The following ENKD1 variants were observed in gnomAD, a reference collection of about 807,000 sequenced individuals.
ENKD1 encodes enkurin domain-containing protein 1.
ENKD1 carries 39 observed loss-of-function variants against 35.8 expected under a neutral mutation model. That is an observed-to-expected ratio of 1.09 (90% CI 0.84 to 1.42). The LOEUF (loss-of-function observed/expected upper bound fraction) is 1.42, where lower values mean the gene tolerates loss of function less well. ENKD1 is among the 40% of genes most tolerant of loss of function. The pLI, the probability that ENKD1 is intolerant of heterozygous loss-of-function variation, is 0.00. For synonymous variants in ENKD1, 205 were observed against 198.6 expected (o/e 1.03, Z -0.27); for missense variants, 474 against 471.3 (o/e 1.01, Z -0.05).
In ENKD1 at chr16:67,666,260, C is replaced by G. The variant is rs1469568142; in HGVS notation, c.91G>C (p.Gly31Arg). Reference sequence around the variant, plus strand: ...TTCAGCGCGTTTCCCTCGAGGCGCCCTTGAGCTGTGGGGCGGAGCCGGGCG... The same window carrying G: ...TTCAGCGCGTTTCCCTCGAGGCGCCGTTGAGCTGTGGGGCGGAGCCGGGCG... ...DNYRRPTSAQ[G>R]RLEGNALKLD... The change falls in exon 2 of 7, where the codon GGG becomes CGG. Residue 31 changes from glycine to arginine, a missense_variant. Transcript: ENST00000243878. 1 of 1,604,184 alleles carries G rather than the reference C, an allele frequency of 6.2e-7. No homozygotes were observed. The highest frequency in any genetic ancestry group is 8.5e-7 in the Non-Finnish European group (1 of 1,175,712).
At position 67,666,191 on chromosome 16, in the gene ENKD1, GA is replaced by G; in HGVS notation, c.159del (p.Arg55ValfsTer32). 6.2e-7 allele frequency: 1 copy of G among 1,611,868 alleles called. No homozygotes were observed. Among genetic ancestry groups the G allele is most frequent in the Non-Finnish European group, 8.5e-7 (1 of 1,179,444 alleles). On this transcript the variant is annotated frameshift_variant, in exon 2 of 7. Transcript: ENST00000243878. LOFTEE classifies it high-confidence loss of function. Reference protein sequence around the residue: ...LTSDRALDTTAPRGPCIGPGA... With the variant: ...LTSDRALDTTXPRGPCIGPGA... ...CCGGGACCGATGCAGGGGCCACGGG[GA>G]GCGGTGGTGTCCAGGGCCCGGTCGG... is the stretch of plus-strand genomic sequence containing the variant.
intron 2 of ENKD1, 48 bp from the exon 3 acceptor site, chr16:67,665,216 G>T: frequency 6.4e-7 from 1 of 1,559,336 alleles, no homozygotes; most frequent in Non-Finnish European, 8.7e-7. Flanking sequence ...GGCCCACACA[G>T]TCCAACTTCC....
intron 6 of ENKD1, 46 bp downstream of exon 6, chr16:67,663,374 G>A (rs781364008): frequency 9.3e-6 from 15 of 1,611,370 alleles, no homozygotes; most frequent in East Asian, 4.5e-5. Context: ...AGGGGTGCCC[G>A]GTCCCCAGTG....
In ENKD1 at chr16:67,665,089, G is replaced by C; in HGVS notation, c.360C>G (p.Arg120=). Residue 120 remains arginine (R), a synonymous_variant, in exon 3 of 7, where the codon CGC becomes CGG. Transcript: ENST00000243878. Reference sequence around the variant, plus strand: ...GCCTGGGCTGGCCCTGCTCCCGGCTGCGCTCCTGTTCTCTGAAGCGCTTCT... The same window carrying C: ...GCCTGGGCTGGCCCTGCTCCCGGCTCCGCTCCTGTTCTCTGAAGCGCTTCT... The part of the protein sequence containing the change: ...EIQKRFREQE[R]SREQGQPRPL... The C allele has an allele frequency of 6.2e-7, 1 of 1,613,940 alleles. No individual in the cohort carries two copies. The highest frequency in any genetic ancestry group is 1.1e-5 in the South Asian group (1 of 91,090).
rs2053106447 is a variant in ENKD1, at chr16:67,666,519, ACCCCGGG to A, written c.-84_-78del. 8.2e-7 allele frequency: 1 copy of A among 1,224,906 alleles called. No individual in the cohort carries two copies. Among genetic ancestry groups the A allele is most frequent in the Middle Eastern group, 3.0e-4 (1 of 3,378 alleles). The allele number at this position is 1,224,906 out of a possible 1,614,324, so 75.9% of individuals were successfully genotyped here. On this transcript the variant is annotated 5_prime_UTR_variant, in exon 1 of 7. Coordinates refer to ENST00000243878, the MANE Select transcript of ENKD1 (RefSeq NM_032140.3). ...CTCCCTCCCCGGGCCCCCTTCCCCA[ACCCCGGG>A]CCCCCTCCCTCGCCCGGCACCCTGA...
rs12599958 is a variant in ENKD1 at position 67,663,737 on chromosome 16, C to G, written c.663G>C (p.Gln221His). The G allele has an allele frequency of 9.3e-6, 15 of 1,612,552 alleles. No individual in the cohort carries two copies. The African/African-American group carries it at 1.5e-4, about 16-fold the overall frequency. Reference protein sequence around the residue: ...RAPRRHSCSLQVLAQVLEQQR... With the variant: ...RAPRRHSCSLHVLAQVLEQQR... ...GCTGCTCTAGCACTTGTGCCAGGAC[C>G]TGCAGTGAGCAGGAATGCCTCCGGG... Residue 221 changes from glutamine to histidine, a missense_variant, in exon 5 of 7, where the codon CAG (glutamine) becomes CAC (histidine). Transcript: ENST00000243878.
chr16:67,665,143 C>T lies in ENKD1; in HGVS notation c.306G>A (p.Lys102=). 2 of 1,613,812 alleles carry T rather than the reference C, an allele frequency of 1.2e-6. No individual in the cohort carries two copies. The highest frequency in any genetic ancestry group is 1.7e-6 in the Non-Finnish European group (2 of 1,179,906). ...LKRKDPKDHE[K]ENLRRIREIQ... ...TCTCCCTGATCCGCCTCAGGTTCTCCTTCTCATGGTCCTTAGGGTCCTTCC... is the reference window on the plus strand; with the variant it reads ...TCTCCCTGATCCGCCTCAGGTTCTCTTTCTCATGGTCCTTAGGGTCCTTCC... Residue 102 remains lysine (K), a synonymous_variant, in exon 3 of 7, where the codon AAG becomes AAA. Transcript: ENST00000243878.
chr16:67,663,383 T>C lies in ENKD1; in HGVS notation c.880+37A>G, dbSNP rs746266622. On this transcript the variant is annotated intron_variant, in intron 6 of 6. Transcript: ENST00000243878. The stretch of plus-strand genomic sequence containing the variant: ...TTGGGCAGGGGTGCCCGGTCCCCAG[T>C]GGGGCCCCCCTCCAGCCTCCCTGCC... 11 of 1,611,588 alleles carry C rather than the reference T, an allele frequency of 6.8e-6. No homozygotes were observed. The South Asian group carries it at 1.1e-4, about 16-fold the overall frequency.
chr16:67,663,126 G>A lies in ENKD1; in HGVS notation c.*35C>T. The A allele has an allele frequency of 6.2e-7, 1 of 1,612,098 alleles. No individual in the cohort carries two copies. Among genetic ancestry groups the A allele is most frequent in the Middle Eastern group, 1.7e-4 (1 of 6,056 alleles). ...CTTTGCAGCCATGTGGCGATCCTCA[G>A]CATGGAGCTCCTTGCCACTGTCCCC... is the stretch of plus-strand genomic sequence containing the variant. On this transcript the variant is annotated 3_prime_UTR_variant, in exon 7 of 7. Coordinates refer to ENST00000243878, the MANE Select transcript of ENKD1 (RefSeq NM_032140.3).
chr16:67,663,307 G>A lies in ENKD1; in HGVS notation c.895C>T (p.Leu299=). Residue 299 remains leucine, a synonymous_variant, in exon 7 of 7, where the codon CTG becomes TTG. Coordinates refer to ENST00000243878, the MANE Select transcript of ENKD1 (RefSeq NM_032140.3). ...TKLLQSQSQL[L]RELVLLPAGA... is the part of the protein sequence containing the mutation. ...GCAGGCAGCAGTACCAGCTCACGCA[G>A]CAGCTGGCTCTGGCCTACAGGGGGC... The A allele has an allele frequency of 6.2e-7, 1 of 1,613,622 alleles. No individual in the cohort carries two copies. Among genetic ancestry groups the A allele is most frequent in the Non-Finnish European group, 8.5e-7 (1 of 1,180,034 alleles).
At position 67,663,755 on chromosome 16, in the gene ENKD1, CCTCCGGGGGG is replaced by C. The variant is rs1329000658; in HGVS notation, c.635_644del (p.Ala212GlyfsTer13). On this transcript the variant is annotated frameshift_variant, in exon 5 of 7. Transcript: ENST00000243878. LOFTEE classifies it high-confidence loss of function. ...CCAGGACCTGCAGTGAGCAGGAATGCCTCCGGGGGGCTCTCTTGGCAGCTCGTGCATTGTG... is the reference window on the plus strand; with the variant it reads ...CCAGGACCTGCAGTGAGCAGGAATGCCTCTCTTGGCAGCTCGTGCATTGTG... 6.8e-6 allele frequency: 11 copies of C among 1,611,290 alleles called. No homozygotes were observed. The highest frequency in any genetic ancestry group is 9.3e-6 in the Non-Finnish European group (11 of 1,178,820).
chr16:67,665,248 C>T, intron 2 of ENKD1, 80 bp from the exon 3 acceptor site: 2 of 1,479,978 alleles, frequency 1.4e-6, no homozygotes, highest in South Asian at 1.3e-5. Context: ...CACAGGCCTG[C>T]CCCCTGCCTC....
At chr16:67,663,848 G>C in intron 4 of ENKD1, 28 bp from the exon 5 acceptor site, 1 of 1,601,678 alleles carries the variant, frequency 6.2e-7, no homozygotes. Flanking sequence ...CGTGGGTGGG[G>C]GCAGACAGCA....
intron 2 of ENKD1, among the ~76,000 whole-genome samples, chr16:67,665,486 C>T (rs796673146): frequency 6.6e-5 from 10 of 152,168 alleles, no homozygotes; most frequent in South Asian, 2.1e-4. Context: ...CTCAGCCTGC[C>T]GAGTAGCTGG....
chr16:67,663,383 T>TG, intron 6 of ENKD1, 37 bp downstream of exon 6: 1 of 1,611,706 alleles, frequency 6.2e-7, no homozygotes, highest in African/African-American at 1.3e-5. Context: ...CGGTCCCCAG[T>TG]GGGGCCCCCC....
intron 4 of ENKD1, 57 bp downstream of exon 4, chr16:67,663,880 C>T (rs2053065785): frequency 1.2e-6 from 2 of 1,602,850 alleles, no homozygotes. Flanking sequence ...CCCTGAACAC[C>T]CCCCCCACAC....
In ENKD1 at chr16:67,666,147, C is replaced by T. The variant is rs779762571; in HGVS notation, c.204G>A (p.Glu68=). Residue 68 remains glutamate (E), a synonymous_variant, in exon 2 of 7, where the codon GAG becomes GAA. Transcript: ENST00000243878. Reference sequence around the variant, plus strand: ...CGTCCCCGACGCCGCGCTGGCCGCGCTCCAGGATCTCTCCGGCACCGGGAC... The same window carrying T: ...CGTCCCCGACGCCGCGCTGGCCGCGTTCCAGGATCTCTCCGGCACCGGGAC... ...CIGPGAGEIL[E]RGQRGVGDVL... The T allele has an allele frequency of 6.2e-7, 1 of 1,612,818 alleles. No homozygotes were observed. Among genetic ancestry groups the T allele is most frequent in the Non-Finnish European group, 8.5e-7 (1 of 1,179,970 alleles).
In ENKD1 at chr16:67,663,172, T is replaced by A; in HGVS notation, c.1030A>T (p.Met344Leu). 3 of 1,614,000 alleles carry A rather than the reference T, an allele frequency of 1.9e-6. No homozygotes were observed. The highest frequency in any genetic ancestry group is 2.5e-6 in the Non-Finnish European group (3 of 1,180,012). Reference sequence around the variant, plus strand: ...TCCCCCAAAGGGGCTCAGTCGTCCATCTTCACGAAGACTTTGGGCCGAGAA... The same window carrying A: ...TCCCCCAAAGGGGCTCAGTCGTCCAACTTCACGAAGACTTTGGGCCGAGAA... Reference protein sequence around the residue: ...IFSRPKVFVKMDD With the variant: ...IFSRPKVFVKLDD Residue 344 changes from methionine (M) to leucine (L), a missense_variant, in exon 7 of 7, where the codon ATG becomes TTG. Physicochemically the swap from Met to Leu is conservative, Grantham distance 15 (BLOSUM62 2). Coordinates refer to ENST00000243878, the MANE Select transcript of ENKD1 (RefSeq NM_032140.3).
rs774150994 is a variant in ENKD1, at chr16:67,664,993, T to C, written c.453+3A>G. 21 of 1,595,546 alleles carry C rather than the reference T, an allele frequency of 1.3e-5. No individual in the cohort carries two copies. Among genetic ancestry groups the C allele is most frequent in the African/African-American group, 8.1e-5 (6 of 73,832 alleles). ...AATACTTCTGGCTCCCTGAAGCAGG[T>C]ACCTGGAGCTGGGCCTTGACCCGGG... On this transcript the variant is annotated splice_donor_region_variant and intron_variant, in intron 3 of 6. Transcript: ENST00000243878.
Sources: gnomAD v4.1 joint callset for allele counts (sites outside exome capture counted in the v4.1 genomes callset) on GRCh38, gnomAD v4.1.1 for gene constraint, MANE v1.5 for transcripts, NCBI Gene and HGNC (gene_info 2026-07-23, HGNC 2026-07-21) for gene names.